Variants in NCALD observed in about 807,000 individuals in gnomAD.
NCALD encodes the protein neurocalcin delta, also known as neurocalcin-delta.
NCALD carries 10 observed loss-of-function variants against 18.6 expected under a neutral mutation model. The observed-to-expected ratio is 0.54, with a 90% confidence interval of 0.33 to 0.91. The LOEUF (loss-of-function observed/expected upper bound fraction) is 0.91, where lower values mean the gene tolerates loss of function less well. Among genes scored for constraint, NCALD ranks in the 40% least tolerant of loss-of-function variants. NCALD has a pLI of 0.03. For synonymous variants in NCALD, 88 were observed against 87.4 expected (o/e 1.01, Z -0.04); for missense variants, 184 against 247.6 (o/e 0.74, Z 1.72).
rs547613514 is a variant in NCALD at position 101,888,540 on chromosome 8, C to T, written c.-106-1313G>A. Among the ~76,000 whole-genome samples, 52 of 152,090 alleles carry T rather than the reference C, an allele frequency of 3.4e-4. 1 individual carries two copies. The South Asian group carries it at 0.011, about 31-fold the overall frequency. On this transcript the variant is annotated intron_variant, in intron 3 of 6. Coordinates refer to the NCALD transcript ENST00000311028. ...TAAAGCAATCCTCCTGCCTCAGCCT[C>T]CAGAACAGCTGGGACTGCAGGGATG...
At chr8:102,102,786 G>A (rs1023631101) in intron 1 of NCALD, among the ~76,000 whole-genome samples, 1 of 152,120 alleles carries the variant, frequency 6.6e-6, no homozygotes, top group African/African-American at 2.4e-5. Context: ...CAAGATCAAG[G>A]GAGAGGAGAG....
intron 4 of NCALD, among the ~76,000 whole-genome samples, chr8:101,865,436 T>C (rs150608889): frequency 2.6e-5 from 4 of 152,292 alleles, no homozygotes; most frequent in African/African-American, 9.6e-5. Flanking sequence ...CCTTTGGGAA[T>C]AGAAACTAGG....
chr8:101,715,038 G>T (rs1170519232), intron 2 of NCALD, among the ~76,000 whole-genome samples: 2 of 150,996 alleles, frequency 1.3e-5, no homozygotes, highest in Non-Finnish European at 2.9e-5. Flanking sequence ...GAGGCATCAT[G>T]CTACCTGACT....
chr8:101,697,424 A>T (rs759236752), intron 2 of NCALD, among the ~76,000 whole-genome samples: 8 of 152,160 alleles, frequency 5.3e-5, no homozygotes, highest in Admixed American at 2.0e-4. Context: ...AAAAGGAAGG[A>T]CTCCTCCCTA....
chr8:101,840,681 AT>A (rs1814608031), intron 4 of NCALD, among the ~76,000 whole-genome samples: 1 of 152,210 alleles, frequency 6.6e-6, no homozygotes, highest in Non-Finnish European at 1.5e-5. Flanking sequence ...CATGGCATTA[AT>A]TTTTTAAAAT....
intron 1 of NCALD, among the ~76,000 whole-genome samples, chr8:101,785,282 T>C (rs1467181268): frequency 6.6e-6 from 1 of 152,214 alleles, no homozygotes; most frequent in Non-Finnish European, 1.5e-5. Flanking sequence ...CGGGGGATGG[T>C]GGTGGCAGCA....
intron 1 of NCALD, among the ~76,000 whole-genome samples, chr8:102,042,551 G>A (rs1193183461): frequency 6.6e-6 from 1 of 151,914 alleles, no homozygotes; most frequent in Non-Finnish European, 1.5e-5. Context: ...ATGCCTGGAT[G>A]TGTCCCACAG....
At chr8:102,049,901 G>A (rs1033259849) in intron 1 of NCALD, among the ~76,000 whole-genome samples, 7 of 151,728 alleles carry the variant, frequency 4.6e-5, no homozygotes, top group Admixed American at 6.6e-5. Flanking sequence ...GGTGGCTCAC[G>A]CCTGTAATCC....
At chr8:101,977,129 C>G (rs916364299) in intron 2 of NCALD, among the ~76,000 whole-genome samples, 1 of 151,470 alleles carries the variant, frequency 6.6e-6, no homozygotes, top group African/African-American at 2.4e-5. Flanking sequence ...GGTTATTTCT[C>G]CTTTCCATCT....
chr8:102,057,187 C>T (rs964530252), intron 1 of NCALD, among the ~76,000 whole-genome samples: 1 of 151,980 alleles, frequency 6.6e-6, no homozygotes, highest in Non-Finnish European at 1.5e-5. Context: ...TCGTGCTCCC[C>T]TTGCCTCTGG....
Position 102,117,136 on chromosome 8 carries a change from C to T in NCALD, c.-210+7101G>A, listed in dbSNP as rs982495234. On this transcript the variant is annotated intron_variant, in intron 1 of 6. Coordinates refer to the NCALD transcript ENST00000311028. ...ATTTCGGCCTCAGACTTCTAGCCTC[C>T]GGAGCCGTGAGAGGATAAATATCTG... is the stretch of plus-strand genomic sequence containing the variant. Among the ~76,000 whole-genome samples, 20 of 152,178 alleles carry T rather than the reference C, an allele frequency of 1.3e-4. 1 individual carries two copies. Among genetic ancestry groups the T allele is most frequent in the African/African-American group, 2.7e-4 (11 of 41,436 alleles).
Position 101,936,830 on chromosome 8 carries a change from C to T in NCALD, c.-156-20972G>A, listed in dbSNP as rs538606988. ...GTTTTAAGCTCAGAATATTGTGTGG[C>T]CAGTTAAAACCCAACTCTCTTCCAC... On this transcript the variant is annotated intron_variant, in intron 2 of 6. Coordinates refer to the NCALD transcript ENST00000311028. 2.0e-5 allele frequency among the ~76,000 whole-genome samples: 3 copies of T among 152,196 alleles called. No homozygotes were observed. In the South Asian group the frequency reaches 6.2e-4, roughly 32 times the overall value.
chr8:101,994,957 G>A (rs1821183298), intron 2 of NCALD, among the ~76,000 whole-genome samples: 1 of 152,210 alleles, frequency 6.6e-6, no homozygotes, highest in Non-Finnish European at 1.5e-5. Context: ...TAGGATTGCT[G>A]AGGATCAAAC....
chr8:101,732,240 A>C (rs1002980695), intron 1 of NCALD, among the ~76,000 whole-genome samples: 6 of 152,356 alleles, frequency 3.9e-5, no homozygotes, highest in African/African-American at 1.4e-4. Flanking sequence ...GTTCTGATAA[A>C]ACCATAAAAC....
At position 101,802,310 on chromosome 8, in the gene NCALD, C is replaced by T. The variant is rs559588784; in HGVS notation, c.-19-82662G>A. ...CATTGATTGGCCTTCCCTCATCTCT[C>T]GCCCTCCCCTGGAGCTTCCCTATTC... On this transcript the variant is annotated intron_variant, in intron 4 of 6. Coordinates refer to the NCALD transcript ENST00000311028. Among the ~76,000 whole-genome samples, 4 of 152,150 alleles carry T rather than the reference C, an allele frequency of 2.6e-5. No individual in the cohort carries two copies. The Middle Eastern group carries it at 0.014, about 518-fold the overall frequency.
At chr8:102,113,752 T>C (rs1190148684) in intron 1 of NCALD, among the ~76,000 whole-genome samples, 2 of 152,210 alleles carry the variant, frequency 1.3e-5, no homozygotes, top group African/African-American at 2.4e-5. Context: ...AGTCGTCTTA[T>C]ATTTAGCCAA....
intron 4 of NCALD, among the ~76,000 whole-genome samples, chr8:101,859,849 G>A (rs1238598899): frequency 6.6e-6 from 1 of 152,052 alleles, no homozygotes. Flanking sequence ...CAAAACAAAG[G>A]GTATGAGTTT....
chr8:101,698,048 C>A (rs186579690), intron 2 of NCALD, among the ~76,000 whole-genome samples: 8 of 152,270 alleles, frequency 5.3e-5, no homozygotes, highest in Admixed American at 3.3e-4. Context: ...ATCATCTCAG[C>A]CCCAAAACTC....
intron 1 of NCALD, among the ~76,000 whole-genome samples, chr8:101,787,912 T>C (rs762376792): frequency 1.1e-4 from 16 of 152,220 alleles, no homozygotes; most frequent in Admixed American, 3.9e-4. Flanking sequence ...TATGAGCACA[T>C]GAACTACCTT....
Sources: allele counts gnomAD v4.1 joint callset (sites outside exome capture counted in the v4.1 genomes callset), GRCh38; gene constraint gnomAD v4.1.1; transcripts MANE v1.5; gene names NCBI Gene and HGNC (gene_info 2026-07-23, HGNC 2026-07-21).